GNAI1: variants seen among roughly 807,000 people sequenced by gnomAD.
GNAI1 encodes the protein G protein subunit alpha i1.
Under a neutral mutation model 38.9 loss-of-function variants are expected in GNAI1, and 11 were observed. The observed-to-expected ratio is 0.28, with a 90% CI of 0.18 to 0.47. GNAI1 has a LOEUF of 0.47. Ranked by LOEUF, GNAI1 falls within the 20% of genes least tolerant of loss-of-function variation. The pLI is 0.99. For synonymous variants in GNAI1, 166 were observed against 145.1 expected, an observed-to-expected ratio of 1.14 and a Z score of -1.04; for missense variants, 317 against 436.9, an observed-to-expected ratio of 0.73 and a Z score of 2.45.
At chr7:80,136,505 C>G (rs1167178999) in intron 1 of GNAI1, among the ~76,000 whole-genome samples, 2 of 152,080 alleles carry the variant, frequency 1.3e-5, no homozygotes, top group African/African-American at 2.4e-5. Flanking sequence ...TGATCTGAGT[C>G]ATTTTGCAAG....
chr7:80,146,991 A>G (rs938727826), intron 1 of GNAI1, among the ~76,000 whole-genome samples: 1 of 152,178 alleles, frequency 6.6e-6, no homozygotes, highest in Admixed American at 6.5e-5. Flanking sequence ...GAGAGAAACC[A>G]TTTGGTATCA....
intron 1 of GNAI1, among the ~76,000 whole-genome samples, chr7:80,173,207 A>G (rs1434984784): frequency 1.3e-5 from 2 of 152,196 alleles, no homozygotes; most frequent in African/African-American, 2.4e-5. Context: ...TCATGAACAG[A>G]TATCTTACAT....
At chr7:80,213,980 C>T (rs1427119789) in intron 7 of GNAI1, among the ~76,000 whole-genome samples, 1 of 152,026 alleles carries the variant, frequency 6.6e-6, no homozygotes, top group Non-Finnish European at 1.5e-5. Context: ...TGTCAGTGCT[C>T]AGGTATCCCT....
intron 3 of GNAI1, among the ~76,000 whole-genome samples, chr7:80,193,120 C>T (rs555936352): frequency 3.3e-5 from 5 of 152,032 alleles, no homozygotes; most frequent in South Asian, 2.1e-4. Flanking sequence ...GTAGAGTAAG[C>T]GCACCCCATT....
intron 1 of GNAI1, among the ~76,000 whole-genome samples, chr7:80,150,994 C>A (rs920379648): frequency 6.6e-6 from 1 of 152,182 alleles, no homozygotes; most frequent in East Asian, 1.9e-4. Context: ...GGCCAGAAGT[C>A]GTCAGTAGCT....
intron 1 of GNAI1, among the ~76,000 whole-genome samples, chr7:80,158,070 G>A (rs1787850700): frequency 6.6e-6 from 1 of 152,010 alleles, no homozygotes; most frequent in Non-Finnish European, 1.5e-5. Context: ...AGGTGTCAAA[G>A]TTTTTAGCCC....
At chr7:80,157,193 A>G (rs1235531026) in intron 1 of GNAI1, among the ~76,000 whole-genome samples, 2 of 152,148 alleles carry the variant, frequency 1.3e-5, no homozygotes, top group South Asian at 2.1e-4. Context: ...AGAATGTCGT[A>G]TAGTTGAAAT....
rs1211004313 is a variant in GNAI1 at position 80,221,472 on chromosome 7, C to T, written c.*3979C>T. 6.6e-6 allele frequency among the ~76,000 whole-genome samples: 1 copy of T among 151,984 alleles called. No individual in the cohort carries two copies. Among genetic ancestry groups the T allele is most frequent in the Admixed American group, 6.6e-5 (1 of 15,238 alleles). Reference sequence around the variant, plus strand: ...TGCTTTGAATGAAATGCCTCAAAAACAAAACTCTCATAATTCGTTTTCATA... The same window carrying T: ...TGCTTTGAATGAAATGCCTCAAAAATAAAACTCTCATAATTCGTTTTCATA... On this transcript the variant is annotated 3_prime_UTR_variant, in exon 8 of 8. Coordinates refer to ENST00000649796, the MANE Select transcript of GNAI1 (RefSeq NM_002069.6).
In GNAI1 at chr7:80,221,645, T is replaced by A. The variant is rs1404530932; in HGVS notation, c.*4152T>A. Among the ~76,000 whole-genome samples, 66 of 138,780 alleles carry A rather than the reference T, an allele frequency of 4.8e-4. 1 individual carries two copies. The highest frequency in any genetic ancestry group is 9.1e-4 in the African/African-American group (34 of 37,312). The allele number at this position is 138,780 out of a possible 152,430, so 91.0% of individuals were successfully genotyped here. On this transcript the variant is annotated 3_prime_UTR_variant, in exon 8 of 8. Coordinates refer to ENST00000649796, the MANE Select transcript of GNAI1 (RefSeq NM_002069.6). Reference sequence around the variant, plus strand: ...TTAGGTTGGAAATTTTCTTTTTTTTTTTTTTTTTTTTTTTTTGGTATGGAG... The same window carrying A: ...TTAGGTTGGAAATTTTCTTTTTTTTATTTTTTTTTTTTTTTTGGTATGGAG...
In GNAI1 at chr7:80,148,425, G is replaced by C. The variant is rs1218855538; in HGVS notation, c.118+13147G>C. Among the ~76,000 whole-genome samples the C allele has an allele frequency of 4.6e-5, 7 of 151,898 alleles. No homozygotes were observed. In the South Asian group the frequency reaches 1.2e-3, roughly 27 times the overall value. On this transcript the variant is annotated intron_variant, in intron 1 of 7. Coordinates refer to ENST00000649796, the MANE Select transcript of GNAI1 (RefSeq NM_002069.6). ...TCTTAGTGGCCCCTTTTGGAGAATC[G>C]GTAGGACTTAGGCTTTGTAATTCAT...
At chr7:80,155,681 A>G (rs11766554) in intron 1 of GNAI1, among the ~76,000 whole-genome samples, 15,367 of 152,132 alleles carry the variant, frequency 0.1, 829 homozygotes, top group African/African-American at 0.12. Context: ...TTAAGTAGCA[A>G]TGGCATTCCA....
At chr7:80,138,511 T>G (rs1472137309) in intron 1 of GNAI1, among the ~76,000 whole-genome samples, 1 of 152,182 alleles carries the variant, frequency 6.6e-6, no homozygotes, top group Non-Finnish European at 1.5e-5. Flanking sequence ...TTTTATATAA[T>G]AATGTCTAAT....
chr7:80,213,549 A>T (rs1788908034), intron 7 of GNAI1, among the ~76,000 whole-genome samples: 2 of 152,118 alleles, frequency 1.3e-5, no homozygotes, highest in Admixed American at 1.3e-4. Flanking sequence ...CTAAAACATT[A>T]GTTTTAGTTT....
At chr7:80,161,098 C>A (rs191251431) in intron 1 of GNAI1, among the ~76,000 whole-genome samples, 1 of 152,290 alleles carries the variant, frequency 6.6e-6, no homozygotes, top group Non-Finnish European at 1.5e-5. Flanking sequence ...TATACACCTA[C>A]TAAACTACCT....
intron 4 of GNAI1, among the ~76,000 whole-genome samples, chr7:80,201,979 C>A (rs1214109181): frequency 2.6e-5 from 4 of 152,166 alleles, no homozygotes; most frequent in Non-Finnish European, 4.4e-5. Flanking sequence ...AATTTGTAAT[C>A]ATTTAAAACA....
intron 1 of GNAI1, among the ~76,000 whole-genome samples, chr7:80,146,315 A>C (rs1338861121): frequency 1.3e-5 from 2 of 152,158 alleles, no homozygotes; most frequent in East Asian, 3.9e-4. Flanking sequence ...AAAGTAAGGC[A>C]CTTGTACTCT....
In GNAI1 at chr7:80,135,294, T is replaced by C; in HGVS notation, c.118+16T>C. ...CTGCTGCTCGGTAAGGGCGGCCGGG[T>C]CGGGGCCCGGGGGTCGGCGGGGGAC... On this transcript the variant is annotated intron_variant, in intron 1 of 7. Coordinates refer to ENST00000649796, the MANE Select transcript of GNAI1 (RefSeq NM_002069.6). 1 of 1,402,838 alleles carries C rather than the reference T, an allele frequency of 7.1e-7. No individual in the cohort carries two copies. The highest frequency in any genetic ancestry group is 9.4e-7 in the Non-Finnish European group (1 of 1,065,888). The allele number at this position is 1,402,838 out of a possible 1,614,324, so 86.9% of individuals were successfully genotyped here. A position where few individuals can be genotyped will look rare whatever the true frequency, so the allele number is the denominator to read the frequency against.
At chr7:80,216,286 A>T (rs1056474348) in intron 7 of GNAI1, among the ~76,000 whole-genome samples, 1 of 152,042 alleles carries the variant, frequency 6.6e-6, no homozygotes, top group African/African-American at 2.4e-5. Flanking sequence ...AGAAAGCCCC[A>T]TCATGCTTCC....
chr7:80,218,945 A>T lies in GNAI1; in HGVS notation c.*1452A>T, dbSNP rs56209286. 8.5e-5 allele frequency: 13 copies of T among 152,138 alleles called. No individual in the cohort carries two copies. Among genetic ancestry groups the T allele is most frequent in the African/African-American group, 3.1e-4 (13 of 41,412 alleles). The allele number at this position is 152,138 out of a possible 1,614,324, so 9.4% of individuals were successfully genotyped here. A position where few individuals can be genotyped will look rare whatever the true frequency, so the allele number is the denominator to read the frequency against. On this transcript the variant is annotated 3_prime_UTR_variant, in exon 8 of 8. Transcript: ENST00000649796. ...CCACCCCACCCTCCTTTTTTTACTC[A>T]TCTTGGAAAAGGTTAGTCTTTCAGT...
Sources: allele counts gnomAD v4.1 joint callset (sites outside exome capture counted in the v4.1 genomes callset), GRCh38; gene constraint gnomAD v4.1.1; transcripts MANE v1.5; gene names NCBI Gene and HGNC (gene_info 2026-07-23, HGNC 2026-07-21).